Variants in FGF14 observed in about 807,000 individuals in gnomAD.
The protein encoded by FGF14 is fibroblast growth factor homologous factor 4.
FGF14 carries 5 observed loss-of-function variants against 25.5 expected under a neutral mutation model. The observed-to-expected ratio is 0.20, with a 90% CI of 0.10 to 0.41. The LOEUF is 0.41. Among genes scored for constraint, FGF14 ranks in the 10% least tolerant of loss-of-function variants. The probability of loss-of-function intolerance (pLI) is 1.00; values close to 1 mark genes in which losing one functional copy is unlikely to be tolerated. For synonymous variants in FGF14, 138 were observed against 118.3 expected (o/e 1.17, Z -1.08); for missense variants, 222 against 320.1 (o/e 0.69, Z 2.34).
At chr13:101,728,106 T>G (rs968875560) in intron 3 of FGF14, among the ~76,000 whole-genome samples, 2 of 152,180 alleles carry the variant, frequency 1.3e-5, no homozygotes, top group African/African-American at 2.4e-5. Context: ...CCTTTCAATA[T>G]TCCCCATAAA....
At position 101,956,769 on chromosome 13, in the gene FGF14, A is replaced by AAAAC. The variant is rs1421868280; in HGVS notation, c.209-81474_209-81473insGTTT. Among the ~76,000 whole-genome samples the AAAAC allele has an allele frequency of 2.0e-3, 71 of 35,036 alleles. No individual in the cohort carries two copies. In the Middle Eastern group the frequency reaches 0.05, roughly 25 times the overall value. The allele number at this position is 35,036 out of a possible 152,430, so 23.0% of individuals were successfully genotyped here. On this transcript the variant is annotated intron_variant, in intron 1 of 4. Transcript: ENST00000376131. ...ATCTTCAGATATTATTCACTTTACC[A>AAAAC]AAAAAAAAAAAAAAGAAAAAGTAAA...
At chr13:101,953,847 C>G (rs546089729) in intron 1 of FGF14, among the ~76,000 whole-genome samples, 29 of 152,176 alleles carry the variant, frequency 1.9e-4, no homozygotes, top group African/African-American at 6.3e-4. Context: ...ACCTCGGCCT[C>G]TCAAAGTGCT....
rs1052604685 is a variant in FGF14 at position 102,029,330 on chromosome 13, A to G, written c.209-154034T>C. ...TAACTTAGGATGCAAGATTTTTTCC[A>G]TCTCATTCTCATTAACTAGATCCCC... On this transcript the variant is annotated intron_variant, in intron 1 of 4. Coordinates refer to the FGF14 transcript ENST00000376131. Among the ~76,000 whole-genome samples the G allele has an allele frequency of 3.3e-5, 5 of 152,028 alleles. No homozygotes were observed. In the East Asian group the frequency reaches 5.8e-4, roughly 18 times the overall value.
chr13:102,162,912 T>G (rs2047839932), intron 1 of FGF14, among the ~76,000 whole-genome samples: 1 of 152,126 alleles, frequency 6.6e-6, no homozygotes, highest in Non-Finnish European at 1.5e-5. Context: ...AGCGTCCCCC[T>G]CATTTGTATG....
intron 1 of FGF14, among the ~76,000 whole-genome samples, chr13:102,364,897 G>C (rs1349247316): frequency 1.3e-5 from 2 of 152,182 alleles, no homozygotes; most frequent in African/African-American, 4.8e-5. Flanking sequence ...CAAAACTGTT[G>C]CTTAGTCATA....
At chr13:101,825,282 G>A (rs376860385) in intron 3 of FGF14, among the ~76,000 whole-genome samples, 18 of 152,218 alleles carry the variant, frequency 1.2e-4, no homozygotes, top group East Asian at 1.9e-4. Flanking sequence ...TAGGACTCCC[G>A]TTTGTATCCA....
At chr13:102,322,851 C>T (rs1185196625) in intron 1 of FGF14, among the ~76,000 whole-genome samples, 1 of 151,986 alleles carries the variant, frequency 6.6e-6, no homozygotes, top group African/African-American at 2.4e-5. Context: ...TGTCCCATCT[C>T]TACCTCTTCC....
chr13:102,124,046 C>A (rs1269952872), intron 1 of FGF14, among the ~76,000 whole-genome samples: 1 of 115,798 alleles, frequency 8.6e-6, no homozygotes, highest in Non-Finnish European at 2.0e-5. Flanking sequence ...AACAGAACAG[C>A]AATGAGAAAG....
intron 1 of FGF14, among the ~76,000 whole-genome samples, chr13:102,036,722 G>GAAC (rs1013778402): frequency 7.2e-5 from 11 of 151,896 alleles, no homozygotes; most frequent in African/African-American, 1.4e-4. Flanking sequence ...AGAAAAAGAA[G>GAAC]AACAACAACA....
At chr13:101,889,000 G>C (rs2046132207) in intron 1 of FGF14, among the ~76,000 whole-genome samples, 1 of 152,114 alleles carries the variant, frequency 6.6e-6, no homozygotes, top group Non-Finnish European at 1.5e-5. Context: ...TATCCTTATG[G>C]AAGAGGAGAT....
At chr13:102,009,000 A>G (rs1047143896) in intron 1 of FGF14, among the ~76,000 whole-genome samples, 4 of 152,152 alleles carry the variant, frequency 2.6e-5, no homozygotes, top group Admixed American at 6.5e-5. Flanking sequence ...CAACTTGAAT[A>G]TTTGTTGGTT....
intron 1 of FGF14, among the ~76,000 whole-genome samples, chr13:101,878,664 A>G (rs531126679): frequency 1.3e-5 from 2 of 152,140 alleles, no homozygotes; most frequent in East Asian, 3.9e-4. Context: ...AGTAACAAAA[A>G]CAAATGATGA....
intron 1 of FGF14, among the ~76,000 whole-genome samples, chr13:102,358,574 C>G (rs557875098): frequency 6.6e-6 from 1 of 152,306 alleles, no homozygotes; most frequent in African/African-American, 2.4e-5. Flanking sequence ...TCGTGTACAT[C>G]TGTGTGTGTG....
chr13:102,179,842 C>G (rs1317663478), intron 1 of FGF14, among the ~76,000 whole-genome samples: 1 of 152,110 alleles, frequency 6.6e-6, no homozygotes, highest in Admixed American at 6.5e-5. Context: ...AATAGGATTA[C>G]GTGGACCCTA....
chr13:101,936,825 G>A (rs1194898706), intron 1 of FGF14, among the ~76,000 whole-genome samples: 1 of 152,162 alleles, frequency 6.6e-6, no homozygotes, highest in African/African-American at 2.4e-5. Flanking sequence ...TTCTCAGAAT[G>A]GAACATTCAG....
At chr13:101,898,052 G>C (rs546979545) in intron 1 of FGF14, among the ~76,000 whole-genome samples, 2 of 151,842 alleles carry the variant, frequency 1.3e-5, no homozygotes, top group African/African-American at 4.8e-5. Flanking sequence ...GTGCCACCAC[G>C]TCCAGATAAT....
intron 1 of FGF14, among the ~76,000 whole-genome samples, chr13:102,310,685 C>CTCTGTG (rs369697906): frequency 4.5e-3 from 31 of 6,854 alleles, no homozygotes; most frequent in East Asian, 8.4e-3. Context: ...CTCTCTCTCT[C>CTCTGTG]TGTGTGTGTG....
At chr13:102,175,686 C>T (rs924896638) in intron 1 of FGF14, among the ~76,000 whole-genome samples, 1 of 151,894 alleles carries the variant, frequency 6.6e-6, no homozygotes, top group Non-Finnish European at 1.5e-5. Context: ...GAAATAAGAT[C>T]TATAATATGT....
intron 1 of FGF14, among the ~76,000 whole-genome samples, chr13:101,900,938 T>C (rs2031467440): frequency 6.6e-6 from 1 of 152,194 alleles, no homozygotes; most frequent in South Asian, 2.1e-4. Flanking sequence ...ATATAGGTTA[T>C]TTAATAAATC....
Sources: gnomAD v4.1 joint callset for allele counts (sites outside exome capture counted in the v4.1 genomes callset) on GRCh38, gnomAD v4.1.1 for gene constraint, MANE v1.5 for transcripts, NCBI Gene and HGNC (gene_info 2026-07-23, HGNC 2026-07-21) for gene names.